Variants in TFB1M observed in about 807,000 individuals in gnomAD.
TFB1M encodes the protein transcription factor B1, mitochondrial.
In TFB1M, 27 loss-of-function variants were observed where a neutral mutation model predicts 31.1. The ratio of observed to expected loss-of-function variants is 0.87; its 90% CI spans 0.64 to 1.20. The LOEUF (loss-of-function observed/expected upper bound fraction) is 1.20, where lower values mean the gene tolerates loss of function less well. TFB1M is among the 50% of genes most tolerant of loss of function. The pLI, the probability that TFB1M is intolerant of heterozygous loss-of-function variation, is 0.00. For synonymous variants in TFB1M, 166 were observed against 151.8 expected, an observed-to-expected ratio of 1.09 and a Z score of -0.69; for missense variants, 394 against 418.7, an observed-to-expected ratio of 0.94 and a Z score of 0.51.
chr6:155,313,825 G>C (rs1274390453), intron 1 of TFB1M, among the ~76,000 whole-genome samples: 4 of 152,092 alleles, frequency 2.6e-5, no homozygotes, highest in African/African-American at 9.7e-5. Context: ...AGACTGAACA[G>C]GTAAACGTTT....
chr6:155,271,052 G>C (rs145047551), intron 5 of TFB1M, among the ~76,000 whole-genome samples: 1 of 152,142 alleles, frequency 6.6e-6, no homozygotes, highest in African/African-American at 2.4e-5. Context: ...AGAGTATCTT[G>C]CTCAATGCAA....
chr6:155,254,293 G>C, downstream of TFB1M: 1 of 1,291,230 alleles, frequency 7.7e-7, no homozygotes, highest in South Asian at 1.4e-5. Flanking sequence ...ACATGGCACT[G>C]CTGCTGGGTG....
intron 5 of TFB1M, among the ~76,000 whole-genome samples, chr6:155,267,549 TGGTGAGTGACG>T (rs2114687230): frequency 6.6e-6 from 1 of 152,310 alleles, no homozygotes; most frequent in East Asian, 1.9e-4. Flanking sequence ...AAGCTCTGAT[TGGTGAGTGACG>T]ACAGCAGGTA....
intron 5 of TFB1M, chr6:155,260,844 T>C (rs1008170250): frequency 1.5e-5 from 4 of 272,440 alleles, no homozygotes; most frequent in Non-Finnish European, 2.2e-5. Context: ...ACTTCCCAGA[T>C]AGAGACACCA....
intron 5 of TFB1M, among the ~76,000 whole-genome samples, chr6:155,266,155 C>G (rs1784624095): frequency 6.6e-6 from 1 of 152,152 alleles, no homozygotes. Flanking sequence ...TCCTTCAATC[C>G]AATCAAGTTG....
At chr6:155,306,988 G>C (rs1391979118) in intron 2 of TFB1M, among the ~76,000 whole-genome samples, 1 of 152,054 alleles carries the variant, frequency 6.6e-6, no homozygotes, top group Non-Finnish European at 1.5e-5. Context: ...AGGCATGGTG[G>C]TGTGCACCTG....
downstream of TFB1M, chr6:155,252,802 G>A: frequency 6.1e-6 from 4 of 653,850 alleles, no homozygotes; most frequent in Non-Finnish European, 1.1e-5. Context: ...TGGGTGCGTA[G>A]CTGATTGACT....
downstream of TFB1M, among the ~76,000 whole-genome samples, chr6:155,251,181 C>T (rs568925199): frequency 2.6e-5 from 4 of 152,362 alleles, no homozygotes; most frequent in African/African-American, 7.2e-5. Context: ...TTTGAAACTC[C>T]GGCATCGCTC....
At chr6:155,300,771 T>G (rs1014878781) in intron 2 of TFB1M, among the ~76,000 whole-genome samples, 10 of 152,054 alleles carry the variant, frequency 6.6e-5, no homozygotes, top group African/African-American at 1.4e-4. Flanking sequence ...TAAATAAATT[T>G]ACCTTCCTTT....
intron 5 of TFB1M, among the ~76,000 whole-genome samples, chr6:155,272,656 T>C (rs1046734081): frequency 1.3e-5 from 2 of 152,096 alleles, no homozygotes; most frequent in African/African-American, 4.8e-5. Context: ...TGCCAGTATA[T>C]TTGTATGAGC....
intron 5 of TFB1M, among the ~76,000 whole-genome samples, chr6:155,266,123 C>G (rs888189069): frequency 6.6e-6 from 1 of 152,180 alleles, no homozygotes; most frequent in African/African-American, 2.4e-5. Context: ...CTCACAGATA[C>G]ACCCAGGATC....
the TFB1M span, among the ~76,000 whole-genome samples, chr6:155,234,957 C>T: frequency 2.6e-5 from 4 of 151,764 alleles, no homozygotes; most frequent in South Asian, 2.1e-4. Context: ...AGGGGCTGTG[C>T]GGACAGCTAG....
In TFB1M at chr6:155,314,449, CA is replaced by C. The variant is rs779896212; in HGVS notation, c.-22del. The C allele has an allele frequency of 6.2e-7, 1 of 1,614,030 alleles. No homozygotes were observed. The highest frequency in any genetic ancestry group is 8.5e-7 in the Non-Finnish European group (1 of 1,179,978). ...GCCATGATACGCGGCAAGCACCATC[CA>C]ACCCTACCTCACCCAGGACCTTCAC... is the stretch of plus-strand genomic sequence containing the variant. On this transcript the variant is annotated 5_prime_UTR_variant, in exon 1 of 7. Coordinates refer to ENST00000367166, the MANE Select transcript of TFB1M (RefSeq NM_016020.4).
At chr6:155,243,946 A>C in the TFB1M span, 1 of 1,400,176 alleles carries the variant, frequency 7.1e-7, no homozygotes, top group South Asian at 1.2e-5. Context: ...GGTTGCTGCT[A>C]CCCAAATCTC....
intron 5 of TFB1M, 96 bp from the exon 6 acceptor site, chr6:155,260,496 C>T: frequency 2.0e-6 from 3 of 1,502,578 alleles, no homozygotes; most frequent in South Asian, 1.1e-5. Flanking sequence ...GATGGGCTGT[C>T]AACAGCCTGT....
chr6:155,241,321 A>C, the TFB1M span, among the ~76,000 whole-genome samples: 7 of 152,306 alleles, frequency 4.6e-5, no homozygotes, highest in East Asian at 1.2e-3. Context: ...TGGGGAGCAG[A>C]GTTCTTTTGC....
intron 2 of TFB1M, among the ~76,000 whole-genome samples, chr6:155,300,529 T>C (rs890880503): frequency 1.3e-5 from 2 of 152,208 alleles, no homozygotes; most frequent in African/African-American, 4.8e-5. Flanking sequence ...TAAAATTTTT[T>C]CTATAATTAT....
chr6:155,246,943 A>G, the TFB1M span, among the ~76,000 whole-genome samples: 1 of 152,370 alleles, frequency 6.6e-6, no homozygotes. Context: ...GGTGGAATCC[A>G]AGTAGCACTG....
chr6:155,267,702 T>C (rs1288783503), intron 5 of TFB1M, among the ~76,000 whole-genome samples: 1 of 152,210 alleles, frequency 6.6e-6, no homozygotes. Context: ...GACAGTGCTA[T>C]GTGCCCTGAG....
Sources: gnomAD v4.1 joint callset for allele counts (sites outside exome capture counted in the v4.1 genomes callset) on GRCh38, gnomAD v4.1.1 for gene constraint, MANE v1.5 for transcripts, NCBI Gene and HGNC (gene_info 2026-07-23, HGNC 2026-07-21) for gene names.